HOMER1: variants seen among roughly 807,000 people sequenced by gnomAD.
HOMER1 encodes the protein homer protein homolog 1.
Under a neutral mutation model 48.9 loss-of-function variants are expected in HOMER1, and 3 were observed. The ratio of observed to expected loss-of-function variants is 0.06; its 90% CI spans 0.03 to 0.16. The LOEUF is 0.16. Ranked by LOEUF, HOMER1 falls within the 10% of genes least tolerant of loss-of-function variation. The pLI, the probability that HOMER1 is intolerant of heterozygous loss-of-function variation, is 1.00. For synonymous variants in HOMER1, 134 were observed against 146.4 expected (o/e 0.92, Z 0.61); for missense variants, 247 against 411.4 (o/e 0.60, Z 3.46).
intron 5 of HOMER1, among the ~76,000 whole-genome samples, chr5:79,415,572 A>G (rs919105723): frequency 1.3e-5 from 2 of 152,214 alleles, no homozygotes; most frequent in Non-Finnish European, 2.9e-5. Flanking sequence ...TAAACCTAAA[A>G]GAGTTGTCAT....
intron 1 of HOMER1, among the ~76,000 whole-genome samples, chr5:79,463,855 A>G (rs914597993): frequency 3.9e-5 from 6 of 152,242 alleles, no homozygotes; most frequent in Non-Finnish European, 8.8e-5. Flanking sequence ...GGAACTGGCA[A>G]AAATTCACCA....
Position 79,466,747 on chromosome 5 carries a change from C to A in HOMER1, c.6-9729G>T, listed in dbSNP as rs73122379. Among the ~76,000 whole-genome samples, 40 of 150,816 alleles carry A rather than the reference C, an allele frequency of 2.7e-4. 1 individual carries two copies. Among genetic ancestry groups the A allele is most frequent in the African/African-American group, 8.4e-4 (34 of 40,462 alleles). On this transcript the variant is annotated intron_variant, in intron 1 of 8. Coordinates refer to ENST00000334082, the MANE Select transcript of HOMER1 (RefSeq NM_004272.5). The stretch of plus-strand genomic sequence containing the variant: ...ATTGCCAAATAGGTTAAACTCCTGG[C>A]GTTTTATTAAAAATCTAAGTGATTT...
intron 1 of HOMER1, among the ~76,000 whole-genome samples, chr5:79,465,110 G>A (rs934462222): frequency 1.3e-5 from 2 of 152,096 alleles, no homozygotes; most frequent in African/African-American, 4.8e-5. Flanking sequence ...GCCAAAGCGG[G>A]AGGATCGCTT....
chr5:79,400,720 A>AT (rs1214147254), intron 6 of HOMER1, among the ~76,000 whole-genome samples: 4 of 101,138 alleles, frequency 4.0e-5, no homozygotes, highest in African/African-American at 1.5e-4. Flanking sequence ...TATGCCTTGA[A>AT]TTAAAAAAAA....
intron 5 of HOMER1, among the ~76,000 whole-genome samples, chr5:79,429,509 CT>C (rs1750361840): frequency 6.6e-6 from 1 of 152,160 alleles, no homozygotes; most frequent in African/African-American, 2.4e-5. Context: ...AAAAAGCAGT[CT>C]TTTCAACAAA....
At chr5:79,503,466 T>C (rs992809669) in intron 1 of HOMER1, among the ~76,000 whole-genome samples, 14 of 148,524 alleles carry the variant, frequency 9.4e-5, no homozygotes, top group African/African-American at 2.8e-4. Flanking sequence ...GGAGGCGAGA[T>C]TGCAGTAAGC....
chr5:79,462,388 C>T (rs1001690965), intron 1 of HOMER1, among the ~76,000 whole-genome samples: 4 of 152,114 alleles, frequency 2.6e-5, no homozygotes, highest in Non-Finnish European at 5.9e-5. Context: ...ATTGGTGTAA[C>T]AATAATTCTC....
chr5:79,461,885 CTAAAAATCAATT>C (rs1751324942), intron 1 of HOMER1, among the ~76,000 whole-genome samples: 2 of 152,146 alleles, frequency 1.3e-5, no homozygotes, highest in South Asian at 4.1e-4. Flanking sequence ...AAAAATTGCT[CTAAAAATCAATT>C]TTAAAGACAA....
chr5:79,467,923 A>T (rs9654417), intron 1 of HOMER1, among the ~76,000 whole-genome samples: 4 of 151,950 alleles, frequency 2.6e-5, no homozygotes, highest in Admixed American at 1.3e-4. Context: ...ACTACAGATG[A>T]GCGTGCACCA....
At chr5:79,512,488 G>A (rs928366163) in intron 1 of HOMER1, among the ~76,000 whole-genome samples, 1 of 152,206 alleles carries the variant, frequency 6.6e-6, no homozygotes, top group Non-Finnish European at 1.5e-5. Context: ...TGATGCAGCA[G>A]TCTGACCAGT....
chr5:79,434,297 A>G (rs1194882491), intron 5 of HOMER1, among the ~76,000 whole-genome samples: 1 of 152,034 alleles, frequency 6.6e-6, no homozygotes, highest in African/African-American at 2.4e-5. Flanking sequence ...TATTTCCAAG[A>G]TAATTTTCAG....
intron 1 of HOMER1, among the ~76,000 whole-genome samples, chr5:79,489,006 T>G (rs1752196099): frequency 6.6e-6 from 1 of 152,172 alleles, no homozygotes; most frequent in East Asian, 1.9e-4. Context: ...AGAACATGTT[T>G]AATAATTTGA....
In HOMER1 at chr5:79,439,292, A is replaced by T. The variant is rs1580452285; in HGVS notation, c.388-143T>A. ...AAATTTGAGTCAAAGACTTAAAAAC[A>T]TAAAACATGGAAATTTTTATTTTTT... On this transcript the variant is annotated intron_variant, in intron 4 of 8. Coordinates refer to ENST00000334082, the MANE Select transcript of HOMER1 (RefSeq NM_004272.5). The T allele has an allele frequency of 1.6e-5, 12 of 741,056 alleles. No individual in the cohort carries two copies. In the East Asian group the frequency reaches 3.1e-4, roughly 19 times the overall value. 45.9% of individuals were successfully genotyped at this position (741,056 alleles called of 1,614,324 possible). A position where few individuals can be genotyped will look rare whatever the true frequency, so the allele number is the denominator to read the frequency against.
chr5:79,457,997 A>T (rs574086726), intron 1 of HOMER1, among the ~76,000 whole-genome samples: 1 of 152,330 alleles, frequency 6.6e-6, no homozygotes, highest in Admixed American at 6.5e-5. Context: ...ACTTACTGGG[A>T]AAACATACAT....
chr5:79,510,739 C>G, intron 1 of HOMER1: 1 of 775,350 alleles, frequency 1.3e-6, no homozygotes, highest in Non-Finnish European at 2.3e-6. Context: ...CCACCCCAAG[C>G]TTGGGAAGCA....
intron 5 of HOMER1, among the ~76,000 whole-genome samples, chr5:79,410,892 T>C (rs571764067): frequency 1.3e-5 from 2 of 152,316 alleles, no homozygotes; most frequent in South Asian, 4.1e-4. Flanking sequence ...TTCTTTTTTA[T>C]AGGTACAGTT....
intron 5 of HOMER1, among the ~76,000 whole-genome samples, chr5:79,429,580 T>C (rs996109120): frequency 3.3e-5 from 5 of 152,146 alleles, no homozygotes; most frequent in African/African-American, 9.7e-5. Flanking sequence ...TAAAAATCAA[T>C]GGACCAAAGA....
chr5:79,411,112 T>C (rs983123275), intron 5 of HOMER1, among the ~76,000 whole-genome samples: 1 of 152,182 alleles, frequency 6.6e-6, no homozygotes, highest in African/African-American at 2.4e-5. Flanking sequence ...GCTTCAAATC[T>C]AGAGGGAGTT....
At position 79,400,954 on chromosome 5, in the gene HOMER1, T is replaced by A. The variant is rs1389752254; in HGVS notation, c.684+945A>T. ...AAAAGATTTTTTTTTTTTTTTTTTT[T>A]AATGGAGATGGGGTCTTGCCATGTT... is the stretch of plus-strand genomic sequence containing the variant. On this transcript the variant is annotated intron_variant, in intron 6 of 8. Coordinates refer to ENST00000334082, the MANE Select transcript of HOMER1 (RefSeq NM_004272.5). 2.7e-5 allele frequency among the ~76,000 whole-genome samples: 4 copies of A among 146,462 alleles called. 1 individual carries two copies. The highest frequency in any genetic ancestry group is 3.9e-4 in the East Asian group (2 of 5,120).
Sources: gnomAD v4.1 joint callset for allele counts (sites outside exome capture counted in the v4.1 genomes callset) on GRCh38, gnomAD v4.1.1 for gene constraint, MANE v1.5 for transcripts, NCBI Gene and HGNC (gene_info 2026-07-23, HGNC 2026-07-21) for gene names.